GRID2: variants seen among roughly 807,000 people sequenced by gnomAD.
The protein encoded by GRID2 is glutamate ionotropic receptor delta type subunit 2.
A neutral mutation model predicts 114.8 loss-of-function variants in GRID2; 33 were observed. That is an observed-to-expected ratio of 0.29 (90% confidence interval 0.22 to 0.38). The LOEUF (loss-of-function observed/expected upper bound fraction) is 0.38, where lower values mean the gene tolerates loss of function less well. GRID2 is among the 10% of genes least tolerant of loss of function. The pLI is 1.00. For synonymous variants in GRID2, 505 were observed against 449.9 expected, an observed-to-expected ratio of 1.12 and a Z score of -1.55; for missense variants, 1,184 against 1,257.7, an observed-to-expected ratio of 0.94 and a Z score of 0.89.
At chr4:93,589,992 AT>A (rs1291973270) in intron 13 of GRID2, among the ~76,000 whole-genome samples, 1 of 150,418 alleles carries the variant, frequency 6.6e-6, no homozygotes, top group Non-Finnish European at 1.5e-5. Flanking sequence ...ATTTTCTCCC[AT>A]TTTGTAGGTT....
At chr4:93,114,139 G>A (rs1011905540) in intron 4 of GRID2, among the ~76,000 whole-genome samples, 2 of 152,022 alleles carry the variant, frequency 1.3e-5, no homozygotes. Flanking sequence ...ATTGTAGAAT[G>A]GAAAAAGAAT....
chr4:93,522,395 A>C (rs551028410), intron 13 of GRID2, among the ~76,000 whole-genome samples: 1 of 152,158 alleles, frequency 6.6e-6, no homozygotes, highest in Non-Finnish European at 1.5e-5. Context: ...ATCGGTGGTC[A>C]TGACTATAAA....
At chr4:92,890,608 A>G (rs1746705285) in intron 2 of GRID2, among the ~76,000 whole-genome samples, 2 of 152,202 alleles carry the variant, frequency 1.3e-5, no homozygotes, top group East Asian at 3.9e-4. Context: ...AAAAGTCAGG[A>G]AACAACAGAT....
intron 8 of GRID2, among the ~76,000 whole-genome samples, chr4:93,372,501 C>T (rs1037338810): frequency 2.6e-5 from 4 of 152,004 alleles, no homozygotes; most frequent in Non-Finnish European, 4.4e-5. Flanking sequence ...TATTCTCTAC[C>T]CCTTAAGCTT....
chr4:92,970,670 G>A (rs1289699139), intron 2 of GRID2, among the ~76,000 whole-genome samples: 1 of 151,794 alleles, frequency 6.6e-6, no homozygotes, highest in Non-Finnish European at 1.5e-5. Context: ...GTGAGAAACT[G>A]TGTTTTAGAA....
chr4:92,870,003 C>A (rs1295889895), intron 2 of GRID2, among the ~76,000 whole-genome samples: 3 of 151,526 alleles, frequency 2.0e-5, no homozygotes, highest in East Asian at 2.0e-4. Flanking sequence ...CCAGCCTGAG[C>A]AACCAATATA....
intron 2 of GRID2, among the ~76,000 whole-genome samples, chr4:92,887,659 A>T (rs1397699933): frequency 6.6e-6 from 1 of 152,250 alleles, no homozygotes; most frequent in Non-Finnish European, 1.5e-5. Flanking sequence ...AGTAGAGTAG[A>T]GGAAGCACAG....
chr4:93,719,256 A>T (rs1333568708), intron 14 of GRID2, among the ~76,000 whole-genome samples: 2 of 152,110 alleles, frequency 1.3e-5, no homozygotes, highest in African/African-American at 2.4e-5. Flanking sequence ...ATCTAACTCA[A>T]TTTTACAAGT....
chr4:93,333,155 C>T (rs980754487), intron 8 of GRID2, among the ~76,000 whole-genome samples: 1 of 147,826 alleles, frequency 6.8e-6, no homozygotes, highest in Non-Finnish European at 1.5e-5. Context: ...GTAAACAGCT[C>T]TCTAGAAAGC....
intron 13 of GRID2, among the ~76,000 whole-genome samples, chr4:93,553,813 A>T (rs902862627): frequency 6.6e-6 from 1 of 152,182 alleles, no homozygotes; most frequent in Non-Finnish European, 1.5e-5. Context: ...CAGGAAGACT[A>T]CTAATTTTTA....
chr4:93,259,389 A>T (rs1041833452), intron 8 of GRID2, among the ~76,000 whole-genome samples: 3 of 151,852 alleles, frequency 2.0e-5, no homozygotes, highest in Admixed American at 2.0e-4. Context: ...CAGAACCCAA[A>T]GAAATCAATA....
chr4:93,798,029 T>C (rs943336908), intron 1 of GRID2, among the ~76,000 whole-genome samples: 19 of 152,162 alleles, frequency 1.2e-4, no homozygotes, highest in African/African-American at 4.3e-4. Context: ...GGCATGCACC[T>C]GTACTCCCAG....
At chr4:92,628,421 C>T (rs960831097) in intron 2 of GRID2, among the ~76,000 whole-genome samples, 1 of 152,006 alleles carries the variant, frequency 6.6e-6, no homozygotes, top group Non-Finnish European at 1.5e-5. Context: ...TGCAGTGGTG[C>T]GATCTCGGCT....
At chr4:92,765,489 TTGTC>T (rs1403468028) in intron 2 of GRID2, among the ~76,000 whole-genome samples, 1 of 152,130 alleles carries the variant, frequency 6.6e-6, no homozygotes, top group Non-Finnish European at 1.5e-5. Flanking sequence ...AGCAGAGAGT[TTGTC>T]TGGCATGTGA....
intron 2 of GRID2, among the ~76,000 whole-genome samples, chr4:92,608,998 CATAA>C (rs1729590066): frequency 6.6e-6 from 1 of 151,638 alleles, no homozygotes; most frequent in South Asian, 2.1e-4. Context: ...AAATAAAAGA[CATAA>C]ATAACATTAA....
chr4:92,477,050 T>C (rs974221358), intron 1 of GRID2, among the ~76,000 whole-genome samples: 22 of 54,586 alleles, frequency 4.0e-4, no homozygotes, highest in African/African-American at 1.8e-3. Context: ...TGTGTGTGTG[T>C]GTGTGTGTGT....
At chr4:92,705,136 C>A (rs1376537808) in intron 2 of GRID2, among the ~76,000 whole-genome samples, 1 of 151,924 alleles carries the variant, frequency 6.6e-6, no homozygotes, top group African/African-American at 2.4e-5. Flanking sequence ...AGAGAATATA[C>A]CTGTAATAAG....
Position 93,381,959 on chromosome 4 carries a change from T to C in GRID2, c.1246-13648T>C, listed in dbSNP as rs570270013. 2.6e-4 allele frequency among the ~76,000 whole-genome samples: 39 copies of C among 152,236 alleles called. No homozygotes were observed. In the South Asian group the frequency reaches 4.6e-3, roughly 18 times the overall value. On this transcript the variant is annotated intron_variant, in intron 8 of 15. Coordinates refer to ENST00000282020, the MANE Select transcript of GRID2 (RefSeq NM_001510.4). Reference sequence around the variant, plus strand: ...CTAGTGTTAACAAACTCCTCTCAACTTTTGTATACCTAGAAATGCCTTAAT... The same window carrying C: ...CTAGTGTTAACAAACTCCTCTCAACCTTTGTATACCTAGAAATGCCTTAAT...
At chr4:93,024,639 T>C (rs1038035332) in intron 2 of GRID2, among the ~76,000 whole-genome samples, 9 of 151,830 alleles carry the variant, frequency 5.9e-5, no homozygotes, top group African/African-American at 1.7e-4. Context: ...TTTGGTGTGA[T>C]GGTTTCACTG....
Sources: gnomAD v4.1 joint callset for allele counts (sites outside exome capture counted in the v4.1 genomes callset) on GRCh38, gnomAD v4.1.1 for gene constraint, MANE v1.5 for transcripts, NCBI Gene and HGNC (gene_info 2026-07-23, HGNC 2026-07-21) for gene names.